The following ATP6V1G3 variants were observed in gnomAD, a reference collection of about 807,000 sequenced individuals.
ATP6V1G3 encodes ATPase H+ transporting V1 subunit G3.
In ATP6V1G3, 9 loss-of-function variants were observed where a neutral mutation model predicts 9.3. The ratio of observed to expected loss-of-function variants is 0.97; its 90% CI spans 0.59 to 1.69. The LOEUF (loss-of-function observed/expected upper bound fraction) is 1.69, where lower values mean the gene tolerates loss of function less well. Among genes scored for constraint, ATP6V1G3 ranks in the 40% most tolerant of loss-of-function variants. The pLI is 0.00. For synonymous variants in ATP6V1G3, 43 were observed against 43.8 expected (o/e 0.98, Z 0.07); for missense variants, 133 against 139.0 (o/e 0.96, Z 0.22).
chr1:198,538,795 C>G (rs1182786761), intron 1 of ATP6V1G3, among the ~76,000 whole-genome samples: 5 of 149,342 alleles, frequency 3.3e-5, no homozygotes, highest in African/African-American at 1.2e-4. Flanking sequence ...CCCAGCTACT[C>G]TAGAGGCTGA....
At chr1:198,524,424 C>T (rs909929594) in intron 2 of ATP6V1G3, among the ~76,000 whole-genome samples, 11 of 152,030 alleles carry the variant, frequency 7.2e-5, no homozygotes, top group Non-Finnish European at 1.5e-4. Context: ...CGCCTGGCTG[C>T]CGAAGTGTGT....
chr1:198,533,546 T>C (rs937921366), intron 1 of ATP6V1G3, among the ~76,000 whole-genome samples: 2 of 152,154 alleles, frequency 1.3e-5, no homozygotes, highest in Non-Finnish European at 2.9e-5. Context: ...ACATTTTATT[T>C]TGGGGATGGA....
intron 2 of ATP6V1G3, among the ~76,000 whole-genome samples, chr1:198,527,571 A>C (rs571896231): frequency 2.1e-4 from 32 of 152,284 alleles, no homozygotes; most frequent in Non-Finnish European, 1.6e-4. Context: ...ATAATGTTAA[A>C]GATGATTGTT....
At chr1:198,525,715 G>A (rs769698159) in intron 2 of ATP6V1G3, among the ~76,000 whole-genome samples, 6 of 152,018 alleles carry the variant, frequency 3.9e-5, no homozygotes, top group Non-Finnish European at 5.9e-5. Context: ...TTTGGAATCT[G>A]GTATGTAGTT....
chr1:198,528,381 A>T (rs921197559), intron 2 of ATP6V1G3, among the ~76,000 whole-genome samples: 2 of 152,096 alleles, frequency 1.3e-5, no homozygotes, highest in African/African-American at 4.8e-5. Flanking sequence ...TTATATTTTT[A>T]TTGAGGCCAA....
chr1:198,526,061 G>A (rs981075233), intron 2 of ATP6V1G3, among the ~76,000 whole-genome samples: 41 of 151,888 alleles, frequency 2.7e-4, no homozygotes, highest in Admixed American at 1.9e-3. Flanking sequence ...CCATAATCAC[G>A]TCTCATCCTG....
rs1444763177 is a variant in ATP6V1G3 at position 198,531,149 on chromosome 1, TG to T, written c.83-1969del. Among the ~76,000 whole-genome samples, 11 of 152,170 alleles carry T rather than the reference TG, an allele frequency of 7.2e-5. No homozygotes were observed. The East Asian group carries it at 2.1e-3, about 29-fold the overall frequency. On this transcript the variant is annotated intron_variant, in intron 1 of 2. Coordinates refer to ENST00000367382, the MANE Select transcript of ATP6V1G3 (RefSeq NM_001376861.1). ...CCTTGTCATGGCACCAGTCACCTGC[TG>T]GTTCTCATTCAATTAAATGGGAGAG... is the stretch of plus-strand genomic sequence containing the variant.
upstream of ATP6V1G3, chr1:198,540,817 GC>G: frequency 1.5e-6 from 1 of 661,464 alleles, no homozygotes; most frequent in Admixed American, 2.7e-5. Flanking sequence ...CCCAAGGAAA[GC>G]CCAAGGTGGA....
At chr1:198,537,676 C>T (rs1660173211) in intron 1 of ATP6V1G3, among the ~76,000 whole-genome samples, 1 of 152,164 alleles carries the variant, frequency 6.6e-6, no homozygotes, top group Non-Finnish European at 1.5e-5. Context: ...TGATAACTAT[C>T]TTTACCTCTC....
At chr1:198,539,776 A>G (rs974591109) in intron 1 of ATP6V1G3, among the ~76,000 whole-genome samples, 2 of 152,250 alleles carry the variant, frequency 1.3e-5, no homozygotes, top group African/African-American at 4.8e-5. Flanking sequence ...TTTTTAAAAT[A>G]TAACCTTGAA....
chr1:198,534,620 A>G (rs989652720), intron 1 of ATP6V1G3, among the ~76,000 whole-genome samples: 18 of 152,232 alleles, frequency 1.2e-4, no homozygotes, highest in African/African-American at 4.3e-4. Flanking sequence ...ACAAAGCCAG[A>G]TACCCTAGTG....
At chr1:198,532,984 G>A (rs906831185) in intron 1 of ATP6V1G3, among the ~76,000 whole-genome samples, 4 of 152,100 alleles carry the variant, frequency 2.6e-5, no homozygotes, top group African/African-American at 9.7e-5. Context: ...TCTTAGCCAA[G>A]GCATGACATA....
At position 198,523,576 on chromosome 1, in the gene ATP6V1G3, A is replaced by G. The variant is rs774710910; in HGVS notation, c.184-12T>C. The stretch of plus-strand genomic sequence containing the variant: ...TGAGAGCCCATTATCTACCAAAACA[A>G]AACAGACAGAATTCACATCATAATA... On this transcript the variant is annotated splice_polypyrimidine_tract_variant and intron_variant, in intron 2 of 2. Transcript: ENST00000367382. 6.2e-7 allele frequency: 1 copy of G among 1,606,598 alleles called. No individual in the cohort carries two copies. The highest frequency in any genetic ancestry group is 8.5e-7 in the Non-Finnish European group (1 of 1,176,816).
chr1:198,523,723 T>C (rs1387450931), intron 2 of ATP6V1G3, among the ~76,000 whole-genome samples, 159 bp from the exon 3 acceptor site: 2 of 152,202 alleles, frequency 1.3e-5, no homozygotes, highest in African/African-American at 4.8e-5. Flanking sequence ...ATGCCATGAG[T>C]GGGAAGGATG....
chr1:198,530,253 A>G (rs770255792), intron 1 of ATP6V1G3, among the ~76,000 whole-genome samples: 3 of 152,050 alleles, frequency 2.0e-5, no homozygotes, highest in Non-Finnish European at 4.4e-5. Context: ...ACCATTTGTT[A>G]TATTGTAAAG....
At chr1:198,537,003 T>C (rs1174502831) in intron 1 of ATP6V1G3, among the ~76,000 whole-genome samples, 6 of 151,994 alleles carry the variant, frequency 3.9e-5, no homozygotes, top group Admixed American at 3.3e-4. Flanking sequence ...GAATTGTAGG[T>C]TTTCAACTCA....
intron 1 of ATP6V1G3, among the ~76,000 whole-genome samples, chr1:198,538,679 T>C (rs1054471666): frequency 6.6e-6 from 1 of 151,796 alleles, no homozygotes; most frequent in African/African-American, 2.4e-5. Context: ...CAGAGGCAGG[T>C]GGATCTCTTG....
At chr1:198,530,725 A>G (rs1009975902) in intron 1 of ATP6V1G3, among the ~76,000 whole-genome samples, 2 of 152,148 alleles carry the variant, frequency 1.3e-5, no homozygotes, top group Non-Finnish European at 2.9e-5. Flanking sequence ...TGACAACTAC[A>G]TATATATTAT....
At chr1:198,526,358 T>C (rs1003891224) in intron 2 of ATP6V1G3, among the ~76,000 whole-genome samples, 16 of 152,146 alleles carry the variant, frequency 1.1e-4, no homozygotes, top group Non-Finnish European at 2.1e-4. Context: ...CAATACACAT[T>C]TGTATTGAGT....
Sources: gnomAD v4.1 joint callset for allele counts (sites outside exome capture counted in the v4.1 genomes callset) on GRCh38, gnomAD v4.1.1 for gene constraint, MANE v1.5 for transcripts, NCBI Gene and HGNC (gene_info 2026-07-23, HGNC 2026-07-21) for gene names.